The following MEOX1 variants were observed in gnomAD, a reference collection of about 807,000 sequenced individuals.
The protein encoded by MEOX1 is mesenchyme homeobox 1.
In MEOX1, 17 loss-of-function variants were observed where a neutral mutation model predicts 23.2. That is an observed-to-expected ratio of 0.73 (90% CI 0.50 to 1.10). The LOEUF (loss-of-function observed/expected upper bound fraction) is 1.10. Among genes scored for constraint, MEOX1 ranks in the 50% least tolerant of loss-of-function variants. The pLI, the probability that MEOX1 is intolerant of heterozygous loss-of-function variation, is 0.00. For synonymous variants in MEOX1, 134 were observed against 135.1 expected (o/e 0.99, Z 0.06); for missense variants, 333 against 332.2 (o/e 1.00, Z -0.02).
chr17:43,657,757 A>G (rs1274872076), intron 1 of MEOX1, among the ~76,000 whole-genome samples: 1 of 152,090 alleles, frequency 6.6e-6, no homozygotes, highest in Non-Finnish European at 1.5e-5. Context: ...AGTTCTCTAG[A>G]CTCAGGAATT....
rs552373762 is a variant in MEOX1, at chr17:43,661,276, C to T, written c.259G>A (p.Ala87Thr). 82 of 1,608,964 alleles carry T rather than the reference C, an allele frequency of 5.1e-5. 1 individual carries two copies. Among genetic ancestry groups the T allele is most frequent in the South Asian group, 4.1e-4 (37 of 90,224 alleles). ...EEHIFTEQHP[A>T]FPQSPNWHFP... Reference sequence around the variant, plus strand: ...TGCCAGTTGGGGGACTGTGGGAAAGCGGGGTGCTGCTCAGTGAAGATGTGC... The same window carrying T: ...TGCCAGTTGGGGGACTGTGGGAAAGTGGGGTGCTGCTCAGTGAAGATGTGC... Residue 87 changes from alanine to threonine, a missense_variant, in exon 1 of 3, where the codon GCT becomes ACT. Coordinates refer to ENST00000318579, the MANE Select transcript of MEOX1 (RefSeq NM_004527.4).
At chr17:43,654,679 A>C (rs1476448152) in intron 1 of MEOX1, among the ~76,000 whole-genome samples, 1 of 152,190 alleles carries the variant, frequency 6.6e-6, no homozygotes, top group Non-Finnish European at 1.5e-5. Flanking sequence ...AATAATAAAT[A>C]ATTTTTTTGG....
At chr17:43,652,298 C>T (rs1455509226) in intron 1 of MEOX1, among the ~76,000 whole-genome samples, 6 of 152,122 alleles carry the variant, frequency 3.9e-5, no homozygotes, top group Admixed American at 2.0e-4. Context: ...CCAGTAGCAT[C>T]GTCAGAGTCA....
At position 43,661,222 on chromosome 17, in the gene MEOX1, G is replaced by A. The variant is rs1469458456; in HGVS notation, c.313C>T (p.Pro105Ser). The change falls in exon 1 of 3, where the codon CCC becomes TCC. Residue 105 changes from proline to serine, a missense_variant. Coordinates refer to ENST00000318579, the MANE Select transcript of MEOX1 (RefSeq NM_004527.4). The stretch of plus-strand genomic sequence containing the variant: ...GAACCCCCTGCCGGGCCTGAGTTGG[G>A]CCTGCGCCGGGCGTCTGAGACAGGG... ...HFPVSDARRR[P>S]NSGPAGGSKE... is the part of the protein sequence containing the mutation. The A allele has an allele frequency of 3.7e-6, 6 of 1,609,510 alleles. No individual in the cohort carries two copies. The highest frequency in any genetic ancestry group is 5.1e-6 in the Non-Finnish European group (6 of 1,177,538).
At chr17:43,647,082 C>T (rs1238259139) in intron 1 of MEOX1, among the ~76,000 whole-genome samples, 1 of 152,218 alleles carries the variant, frequency 6.6e-6, no homozygotes, top group Non-Finnish European at 1.5e-5. Context: ...GAAACAGATG[C>T]ACTTCTTGAA....
chr17:43,651,175 C>G (rs540543958), intron 1 of MEOX1, among the ~76,000 whole-genome samples: 1 of 151,990 alleles, frequency 6.6e-6, no homozygotes, highest in African/African-American at 2.4e-5. Context: ...AAAAATTAGC[C>G]GGGTGTGGTG....
At chr17:43,645,171 C>CTTTTTTTTTT (rs869205502) in intron 1 of MEOX1, among the ~76,000 whole-genome samples, 3 of 99,782 alleles carry the variant, frequency 3.0e-5, no homozygotes, top group Non-Finnish European at 5.5e-5. Context: ...CATTAATTAT[C>CTTTTTTTTTT]TTTTTTTTTT....
intron 2 of MEOX1, among the ~76,000 whole-genome samples, chr17:43,642,753 G>A (rs1182199959): frequency 6.6e-6 from 1 of 152,130 alleles, no homozygotes; most frequent in Admixed American, 6.5e-5. Context: ...AGATCACCTG[G>A]AGAATGTACT....
chr17:43,645,808 C>T (rs1439120054), intron 1 of MEOX1, among the ~76,000 whole-genome samples: 2 of 152,224 alleles, frequency 1.3e-5, no homozygotes, highest in South Asian at 2.1e-4. Flanking sequence ...CCCAGCACCC[C>T]CCTCTATTGC....
intron 1 of MEOX1, among the ~76,000 whole-genome samples, chr17:43,651,647 T>C (rs527671467): frequency 6.6e-6 from 1 of 151,298 alleles, no homozygotes; most frequent in South Asian, 2.1e-4. Flanking sequence ...AGAGAGGGAG[T>C]TGGGGAAAAG....
In MEOX1 at chr17:43,653,420, G is replaced by A. The variant is rs138179459; in HGVS notation, c.469+7646C>T. 4.7e-3 allele frequency among the ~76,000 whole-genome samples: 714 copies of A among 152,100 alleles called. 4 individuals carry two copies. Among genetic ancestry groups the A allele is most frequent in the Middle Eastern group, 0.02 (6 of 294 alleles). The stretch of plus-strand genomic sequence containing the variant: ...CTCCCAAATAGCTGGGATTACAGGC[G>A]TGAGCCACCGCATCCAGCCCATGCC... On this transcript the variant is annotated intron_variant, in intron 1 of 2. Coordinates refer to ENST00000318579, the MANE Select transcript of MEOX1 (RefSeq NM_004527.4).
chr17:43,659,564 C>G (rs1973102294), intron 1 of MEOX1, among the ~76,000 whole-genome samples: 1 of 152,180 alleles, frequency 6.6e-6, no homozygotes, highest in African/African-American at 2.4e-5. Context: ...ACCAATTCTT[C>G]TGTTTGCCTG....
intron 1 of MEOX1, among the ~76,000 whole-genome samples, chr17:43,657,085 TTC>T (rs1973045334): frequency 6.7e-6 from 1 of 150,132 alleles, no homozygotes; most frequent in Non-Finnish European, 1.5e-5. Flanking sequence ...TTTCTTTTCT[TTC>T]TTTCTTTTTC....
Position 43,641,735 on chromosome 17 carries a change from C to T in MEOX1, c.*175G>A. 1 of 641,138 alleles carries T rather than the reference C, an allele frequency of 1.6e-6. No individual in the cohort carries two copies. The highest frequency in any genetic ancestry group is 2.6e-6 in the Non-Finnish European group (1 of 384,830). The allele number at this position is 641,138 out of a possible 1,614,324, so 39.7% of individuals were successfully genotyped here. ...GAGGCTGCTAAGAGGCTGGACAGAA[C>T]TTCCTAGAAAATCCTAAGACTCCCA... is the stretch of plus-strand genomic sequence containing the variant. On this transcript the variant is annotated 3_prime_UTR_variant, in exon 3 of 3. Coordinates refer to ENST00000318579, the MANE Select transcript of MEOX1 (RefSeq NM_004527.4).
At position 43,643,647 on chromosome 17, in the gene MEOX1, G is replaced by C; in HGVS notation, c.483C>G (p.Asn161Lys). 1 of 1,612,950 alleles carries C rather than the reference G, an allele frequency of 6.2e-7. No individual in the cohort carries two copies. Among genetic ancestry groups the C allele is most frequent in the Middle Eastern group, 1.6e-4 (1 of 6,062 alleles). Residue 161 changes from asparagine (N) to lysine (K), a missense_variant, in exon 2 of 3, where the codon AAC (asparagine) becomes AAG (lysine). Asn to Lys is a moderately conservative substitution (Grantham distance 94). Transcript: ENST00000318579. Reference protein sequence around the residue: ...RRKESSDNQENRGKPEGSSKA... With the variant: ...RRKESSDNQEKRGKPEGSSKA... Reference sequence around the variant, plus strand: ...TGCTGCTGCCCTCCGGCTTCCCTCTGTTCTCCTGGTTGTCTGGGGAGAGAG... The same window carrying C: ...TGCTGCTGCCCTCCGGCTTCCCTCTCTTCTCCTGGTTGTCTGGGGAGAGAG...
Position 43,640,401 on chromosome 17 carries a change from T to C in MEOX1, c.*1509A>G, listed in dbSNP as rs1972671066. On this transcript the variant is annotated 3_prime_UTR_variant, in exon 3 of 3. Coordinates refer to ENST00000318579, the MANE Select transcript of MEOX1 (RefSeq NM_004527.4). ...AAGGCCTGGGAACTTTGCTTTTTAT[T>C]GATTTTATTTCTCCGAGAGTTTTCT... The C allele has an allele frequency of 1.3e-5, 2 of 152,346 alleles. No homozygotes were observed. The highest frequency in any genetic ancestry group is 4.1e-4 in the South Asian group (2 of 4,824). 9.4% of individuals were successfully genotyped at this position (152,346 alleles called of 1,614,324 possible).
intron 2 of MEOX1, among the ~76,000 whole-genome samples, chr17:43,642,796 G>A (rs1318905121): frequency 1.3e-5 from 2 of 152,106 alleles, no homozygotes; most frequent in East Asian, 3.9e-4. Flanking sequence ...ACTCATTATG[G>A]TAAAATCTCT....
At chr17:43,655,942 G>C (rs1175857019) in intron 1 of MEOX1, among the ~76,000 whole-genome samples, 1 of 152,160 alleles carries the variant, frequency 6.6e-6, no homozygotes, top group South Asian at 2.1e-4. Context: ...CACAACTACT[G>C]TACTGTATCA....
chr17:43,661,662 C>G lies in MEOX1; in HGVS notation c.-128G>C. 1.8e-6 allele frequency: 1 copy of G among 558,596 alleles called. No homozygotes were observed. Among genetic ancestry groups the G allele is most frequent in the South Asian group, 4.5e-5 (1 of 22,034 alleles). The allele number at this position is 558,596 out of a possible 1,614,324, so 34.6% of individuals were successfully genotyped here. A position where few individuals can be genotyped will look rare whatever the true frequency, so the allele number is the denominator to read the frequency against. On this transcript the variant is annotated 5_prime_UTR_variant, in exon 1 of 3. Coordinates refer to ENST00000318579, the MANE Select transcript of MEOX1 (RefSeq NM_004527.4). ...GAAAAATGTTCAACAGAAAATTTAC[C>G]CCAGGAACCAAAAAAAAAAAAAAAC...
Sources: allele counts gnomAD v4.1 joint callset (sites outside exome capture counted in the v4.1 genomes callset), GRCh38; gene constraint gnomAD v4.1.1; transcripts MANE v1.5; gene names NCBI Gene and HGNC (gene_info 2026-07-23, HGNC 2026-07-21).